MYO16: variants seen among roughly 807,000 people sequenced by gnomAD.
The protein encoded by MYO16 is unconventional myosin-XVI.
A neutral mutation model predicts 205.3 loss-of-function variants in MYO16; 94 were observed. The ratio of observed to expected loss-of-function variants is 0.46; its 90% CI spans 0.39 to 0.54. The LOEUF (loss-of-function observed/expected upper bound fraction) is 0.54, where lower values mean the gene tolerates loss of function less well. MYO16 is among the 20% of genes least tolerant of loss of function. The pLI is 0.00. For missense variants in MYO16, 2,315 were observed against 2,387.5 expected (o/e 0.97, Z 0.63); for synonymous variants, 988 against 954.0 (o/e 1.04, Z -0.66).
In MYO16 at chr13:109,127,859, T is replaced by TAA. The variant is rs34317737; in HGVS notation, c.4051+327_4051+328dup. Reference sequence around the variant, plus strand: ...ATGTAAAGGTTCACCAATGAGAAAGTAAAAAAAAAAAAAAAAAAACTGCTT... The same window carrying TAA: ...ATGTAAAGGTTCACCAATGAGAAAGTAAAAAAAAAAAAAAAAAAAAACTGCTT... On this transcript the variant is annotated intron_variant, in intron 31 of 34. Coordinates refer to ENST00000457511, the MANE Select transcript of MYO16 (RefSeq NM_001198950.3). The surrounding 1 kb of genome is among the most constrained non-coding windows in gnomAD (Gnocchi z 4.2). Among the ~76,000 whole-genome samples the TAA allele has an allele frequency of 3.8e-5, 5 of 132,654 alleles. No homozygotes were observed. The highest frequency in any genetic ancestry group is 3.2e-5 in the Non-Finnish European group (2 of 62,604). 87.0% of individuals were successfully genotyped at this position (132,654 alleles called of 152,430 possible). A position where few individuals can be genotyped will look rare whatever the true frequency, so the allele number is the denominator to read the frequency against.
intron 27 of MYO16, among the ~76,000 whole-genome samples, chr13:109,081,659 G>A (rs1888284326): frequency 1.3e-5 from 2 of 152,168 alleles, no homozygotes; most frequent in Admixed American, 6.5e-5. Flanking sequence ...CGTAAGGGTA[G>A]TTGAGTTTAA....
chr13:109,115,257 A>C (rs895870189), intron 28 of MYO16, among the ~76,000 whole-genome samples: 4 of 151,110 alleles, frequency 2.6e-5, no homozygotes, highest in African/African-American at 9.7e-5. Flanking sequence ...AAAAAAAAAA[A>C]AAAAAAAAAA....
intron 34 of MYO16, among the ~76,000 whole-genome samples, chr13:109,196,435 G>A (rs188142582): frequency 1.1e-4 from 16 of 152,248 alleles, no homozygotes; most frequent in African/African-American, 3.6e-4. Context: ...CCAACCCATA[G>A]GGAAATGGGT....
chr13:108,723,258 C>CT (rs11418829), intron 3 of MYO16, among the ~76,000 whole-genome samples: 151,061 of 152,272 alleles, frequency 0.99, 74,939 homozygotes, highest in Middle Eastern at 1. Context: ...TGATAAATGT[C>CT]TTTAACAGAT....
intron 23 of MYO16, among the ~76,000 whole-genome samples, chr13:109,037,744 G>A (rs1886760625): frequency 6.6e-6 from 1 of 152,156 alleles, no homozygotes; most frequent in African/African-American, 2.4e-5. Flanking sequence ...TACTGCCTAT[G>A]TGTTGTAGAT....
At position 109,052,456 on chromosome 13, in the gene MYO16, A is replaced by C. The variant is rs1193295613; in HGVS notation, c.3029A>C (p.Asn1010Thr). 6.2e-7 allele frequency: 1 copy of C among 1,609,310 alleles called. No individual in the cohort carries two copies. The highest frequency in any genetic ancestry group is 1.7e-5 in the Admixed American group (1 of 59,766). The change falls in exon 25 of 35, where the codon AAT becomes ACT. Residue 1010 changes from asparagine (N) to threonine (T), a missense_variant. Physicochemically the swap from Asn to Thr is moderately conservative, Grantham distance 65. Coordinates refer to ENST00000457511, the MANE Select transcript of MYO16 (RefSeq NM_001198950.3). Reference protein sequence around the residue: ...TASSIIGENKNYLELSKLLKK... With the variant: ...TASSIIGENKTYLELSKLLKK... ...TCTTCAATTATTGGAGAAAACAAGAATTATCTAGAACTTAGTAAGGTAGGA... is the reference window on the plus strand; with the variant it reads ...TCTTCAATTATTGGAGAAAACAAGACTTATCTAGAACTTAGTAAGGTAGGA...
chr13:108,866,904 T>C (rs1878747392), intron 12 of MYO16, among the ~76,000 whole-genome samples: 2 of 152,082 alleles, frequency 1.3e-5, no homozygotes, highest in South Asian at 2.1e-4. Context: ...ACTCATAAGA[T>C]GTGGCGGGCA....
intron 9 of MYO16, among the ~76,000 whole-genome samples, chr13:108,830,971 A>G (rs1594327316): frequency 6.6e-6 from 1 of 152,144 alleles, no homozygotes; most frequent in African/African-American, 2.4e-5. Flanking sequence ...TCTGTTAGTA[A>G]TAATATTTTT....
chr13:108,986,281 G>A lies in MYO16; in HGVS notation c.2370-6095G>A, dbSNP rs541667182. Among the ~76,000 whole-genome samples, 53 of 152,186 alleles carry A rather than the reference G, an allele frequency of 3.5e-4. 2 individuals are homozygous for A. The South Asian group carries it at 0.01, about 29-fold the overall frequency. Reference sequence around the variant, plus strand: ...AAGGTAGAACATAGCTACAGTGCACGTTATGTGTAAAGTTCAGTATATTTT... The same window carrying A: ...AAGGTAGAACATAGCTACAGTGCACATTATGTGTAAAGTTCAGTATATTTT... On this transcript the variant is annotated intron_variant, in intron 20 of 34. Transcript: ENST00000457511.
intron 6 of MYO16, among the ~76,000 whole-genome samples, chr13:108,798,777 C>T (rs532550365): frequency 1.1e-3 from 142 of 133,938 alleles, no homozygotes; most frequent in African/African-American, 3.8e-3. Flanking sequence ...GGAATCTCGG[C>T]TCACTGCAAG....
rs150168863 is a variant in MYO16, at chr13:108,633,083, GGTTAAA to G, written c.28+3216_28+3221del. ...GCAGCATTGTTTGCAGCAGGAGGAA[GGTTAAA>G]GTTATTTAAAATGAATATTCTCCAG... On this transcript the variant is annotated intron_variant, in intron 1 of 34. Coordinates refer to ENST00000457511, the MANE Select transcript of MYO16 (RefSeq NM_001198950.3). Among the ~76,000 whole-genome samples, 1,393 of 152,240 alleles carry G rather than the reference GGTTAAA, an allele frequency of 9.2e-3. 21 individuals are homozygous for G. Among genetic ancestry groups the G allele is most frequent in the South Asian group, 0.046 (223 of 4,830 alleles).
upstream of MYO16, among the ~76,000 whole-genome samples, chr13:108,592,647 G>A (rs1878434540): frequency 6.7e-6 from 1 of 149,410 alleles, no homozygotes; most frequent in African/African-American, 2.5e-5. Flanking sequence ...GTGGAGCTGT[G>A]TAAGAGGGAG....
chr13:108,601,113 A>G (rs953040492), intron 1 of MYO16, among the ~76,000 whole-genome samples: 6 of 152,142 alleles, frequency 3.9e-5, no homozygotes, highest in Non-Finnish European at 8.8e-5. Context: ...CGAGGTAGAC[A>G]GAGATCACTG....
chr13:109,055,360 G>T lies in MYO16; in HGVS notation c.3130-30G>T. On this transcript the variant is annotated intron_variant, in intron 26 of 34. Coordinates refer to ENST00000457511, the MANE Select transcript of MYO16 (RefSeq NM_001198950.3). This position sits in a 1 kb window ranked among gnomAD's most constrained non-coding sequence, Gnocchi z 5.0. ...ATTTTTAGCTAGTGTCTCCTTTGGAGAATCAGTTGGGTTCTACTTCTCTCC... is the reference window on the plus strand; with the variant it reads ...ATTTTTAGCTAGTGTCTCCTTTGGATAATCAGTTGGGTTCTACTTCTCTCC... The T allele has an allele frequency of 7.7e-6, 12 of 1,555,084 alleles. No homozygotes were observed. Among genetic ancestry groups the T allele is most frequent in the Non-Finnish European group, 1.1e-5 (12 of 1,133,636 alleles).
chr13:108,762,203 C>A (rs1433983861), intron 4 of MYO16, among the ~76,000 whole-genome samples: 1 of 152,154 alleles, frequency 6.6e-6, no homozygotes, highest in African/African-American at 2.4e-5. Flanking sequence ...AGTAGTATTC[C>A]ATCGTCTATA....
At chr13:108,622,714 G>C (rs1182018151) in intron 1 of MYO16, among the ~76,000 whole-genome samples, 1 of 151,932 alleles carries the variant, frequency 6.6e-6, no homozygotes, top group Non-Finnish European at 1.5e-5. Flanking sequence ...GAGGAGGTAA[G>C]AGGAGAGGCC....
intron 29 of MYO16, 87 bp downstream of exon 29, chr13:109,120,553 G>A: frequency 1.0e-6 from 1 of 984,460 alleles, no homozygotes; most frequent in Admixed American, 2.1e-5. Context: ...AAATGTCGAT[G>A]GGGTCTGCAC....
rs372867583 is a variant in MYO16 at position 109,184,742 on chromosome 13, G to A, written c.5415+5109G>A. Among the ~76,000 whole-genome samples, 169 of 151,448 alleles carry A rather than the reference G, an allele frequency of 1.1e-3. No individual in the cohort carries two copies. The South Asian group carries it at 0.029, about 26-fold the overall frequency. On this transcript the variant is annotated intron_variant, in intron 34 of 34. Transcript: ENST00000457511. ...CTCCCAAGTAGTTGGGATTACAGGC[G>A]CGTGCCACCACACTTGGCTAATTTT... is the stretch of plus-strand genomic sequence containing the variant.
In MYO16 at chr13:109,140,290, G is replaced by A. The variant is rs1384496084; in HGVS notation, c.4078G>A (p.Asp1360Asn). The stretch of plus-strand genomic sequence containing the variant: ...TCTGGCCCGGCCCAGACCGCACAGC[G>A]ACGACTACAGCACCATGAAGAAGAT... The part of the protein sequence containing the change: ...EALARPRPHS[D>N]DYSTMKKIPP... Residue 1360 changes from aspartate (D) to asparagine (N), a missense_variant, in exon 32 of 35, where the codon GAC (aspartate) becomes AAC (asparagine). Physicochemically the swap from Asp to Asn is conservative, Grantham distance 23. Transcript: ENST00000457511. This position sits in a 1 kb window ranked among gnomAD's most constrained non-coding sequence, Gnocchi z 8.0. 1.2e-6 allele frequency: 2 copies of A among 1,601,008 alleles called. No homozygotes were observed.
Sources: allele counts gnomAD v4.1 joint callset (sites outside exome capture counted in the v4.1 genomes callset), GRCh38; gene constraint gnomAD v4.1.1; non-coding constraint Gnocchi (gnomAD v3.1); transcripts MANE v1.5; gene names NCBI Gene and HGNC (gene_info 2026-07-23, HGNC 2026-07-21).